The following RCAN2 variants were observed in gnomAD, a reference collection of about 807,000 sequenced individuals.
RCAN2 encodes the protein regulator of calcineurin 2, also known as calcipressin-2.
A neutral mutation model predicts 23.6 loss-of-function variants in RCAN2; 9 were observed. The ratio of observed to expected loss-of-function variants is 0.38; its 90% confidence interval spans 0.23 to 0.67. The LOEUF (loss-of-function observed/expected upper bound fraction) is 0.67. Among genes scored for constraint, RCAN2 ranks in the 30% least tolerant of loss-of-function variants. The probability of loss-of-function intolerance (pLI) is 0.51; values close to 1 mark genes in which losing one functional copy is unlikely to be tolerated. For synonymous variants in RCAN2, 109 were observed against 115.7 expected, an observed-to-expected ratio of 0.94 and a Z score of 0.37; for missense variants, 273 against 302.3, an observed-to-expected ratio of 0.90 and a Z score of 0.72.
chr6:46,279,855 A>G (rs1442227), intron 2 of RCAN2, among the ~76,000 whole-genome samples: 107,681 of 152,126 alleles, frequency 0.71, 39,931 homozygotes, highest in Non-Finnish European at 0.83. Context: ...GAGATAATGC[A>G]CAAGATGTGT....
intron 2 of RCAN2, among the ~76,000 whole-genome samples, chr6:46,370,273 C>T (rs997898961): frequency 6.6e-5 from 10 of 152,284 alleles, no homozygotes; most frequent in African/African-American, 1.9e-4. Context: ...TTAACACCCA[C>T]GTGCATCATT....
chr6:46,293,115 A>G (rs549796347), intron 2 of RCAN2, among the ~76,000 whole-genome samples: 1 of 152,284 alleles, frequency 6.6e-6, no homozygotes, highest in Non-Finnish European at 1.5e-5. Context: ...TTCTTTATCC[A>G]GTCTATCACT....
chr6:46,230,051 C>G (rs904903219), intron 4 of RCAN2, among the ~76,000 whole-genome samples: 2 of 152,116 alleles, frequency 1.3e-5, no homozygotes, highest in African/African-American at 2.4e-5. Flanking sequence ...CACTCCAGAC[C>G]CTGTTTGCCT....
intron 2 of RCAN2, among the ~76,000 whole-genome samples, chr6:46,329,176 C>T (rs1249253738): frequency 6.6e-6 from 1 of 152,224 alleles, no homozygotes; most frequent in East Asian, 1.9e-4. Flanking sequence ...TATTCCCTCT[C>T]TCTGAAAATA....
intron 2 of RCAN2, among the ~76,000 whole-genome samples, chr6:46,324,728 C>A (rs1411229462): frequency 1.3e-5 from 2 of 152,234 alleles, no homozygotes; most frequent in Non-Finnish European, 2.9e-5. Context: ...AAGTCAACAA[C>A]TGCTGCCGGC....
In RCAN2 at chr6:46,246,924, C is replaced by G; in HGVS notation, c.400-5G>C. 1 of 1,532,488 alleles carries G rather than the reference C, an allele frequency of 6.5e-7. No homozygotes were observed. The highest frequency in any genetic ancestry group is 8.8e-7 in the Non-Finnish European group (1 of 1,138,662). The allele number at this position is 1,532,488 out of a possible 1,614,324, so 94.9% of individuals were successfully genotyped here. On this transcript the variant is annotated splice_region_variant and splice_polypyrimidine_tract_variant and intron_variant, in intron 3 of 4. Coordinates refer to ENST00000371374, the MANE Select transcript of RCAN2 (RefSeq NM_001251974.2). ...ATCTGTCTCTGGAGTCTGAACCTTT[C>G]AAATAGAGTAGAGATGAAGAAACTT... is the stretch of plus-strand genomic sequence containing the variant.
chr6:46,299,840 A>G lies in RCAN2; in HGVS notation c.226-50944T>C, dbSNP rs1314560632. Among the ~76,000 whole-genome samples the G allele has an allele frequency of 3.9e-5, 6 of 152,148 alleles. No individual in the cohort carries two copies. In the East Asian group the frequency reaches 1.2e-3, roughly 29 times the overall value. On this transcript the variant is annotated intron_variant, in intron 2 of 4. Transcript: ENST00000371374. Reference sequence around the variant, plus strand: ...TATTGAACACAGTAAGTGCTCAGTAATTGTTATTATAATTGCAAATACCAT... The same window carrying G: ...TATTGAACACAGTAAGTGCTCAGTAGTTGTTATTATAATTGCAAATACCAT...
chr6:46,381,023 A>G (rs1230589717), intron 2 of RCAN2, among the ~76,000 whole-genome samples: 1 of 152,204 alleles, frequency 6.6e-6, no homozygotes, highest in Admixed American at 6.6e-5. Flanking sequence ...TTACAATGCC[A>G]TCTAATTCAG....
At chr6:46,429,606 A>G (rs894505284) in intron 2 of RCAN2, among the ~76,000 whole-genome samples, 4 of 152,198 alleles carry the variant, frequency 2.6e-5, no homozygotes, top group Non-Finnish European at 5.9e-5. Flanking sequence ...AGGAATCCCT[A>G]AAAGGTATTG....
At chr6:46,434,694 C>A (rs1257872847) in intron 2 of RCAN2, among the ~76,000 whole-genome samples, 1 of 152,174 alleles carries the variant, frequency 6.6e-6, no homozygotes, top group African/African-American at 2.4e-5. Context: ...TTGAGAAATG[C>A]CCAGGCAACT....
chr6:46,355,807 G>A (rs1764811883), intron 2 of RCAN2, among the ~76,000 whole-genome samples: 2 of 152,196 alleles, frequency 1.3e-5, no homozygotes, highest in African/African-American at 4.8e-5. Flanking sequence ...ATCTCCTGAG[G>A]TAGATCCACC....
rs573326237 is a variant in RCAN2, at chr6:46,407,213, A to C, written c.225+49539T>G. 8.5e-4 allele frequency among the ~76,000 whole-genome samples: 129 copies of C among 152,334 alleles called. 1 individual carries two copies. The highest frequency in any genetic ancestry group is 1.5e-4 in the Non-Finnish European group (10 of 68,030). ...GATAAAAATCAGCACACAGAAACAC[A>C]ACACAGGGAGAGTTCCCTTTCAGGA... is the stretch of plus-strand genomic sequence containing the variant. On this transcript the variant is annotated intron_variant, in intron 2 of 4. Transcript: ENST00000371374.
chr6:46,330,034 A>G (rs1383567775), intron 2 of RCAN2, among the ~76,000 whole-genome samples: 3 of 152,204 alleles, frequency 2.0e-5, no homozygotes, highest in Non-Finnish European at 1.5e-5. Flanking sequence ...CTCCTTCTGT[A>G]TGGCCTTCTG....
chr6:46,236,381 C>A (rs1766097704), intron 4 of RCAN2, among the ~76,000 whole-genome samples: 1 of 152,050 alleles, frequency 6.6e-6, no homozygotes, highest in South Asian at 2.1e-4. Context: ...CTTTTCTATA[C>A]CTCTATTTCC....
At chr6:46,344,608 CT>C (rs1222605759) in intron 2 of RCAN2, among the ~76,000 whole-genome samples, 1 of 151,848 alleles carries the variant, frequency 6.6e-6, no homozygotes, top group Non-Finnish European at 1.5e-5. Context: ...GACATTCTTC[CT>C]TTGTGAAGTA....
At chr6:46,433,587 T>C (rs1767278534) in intron 2 of RCAN2, among the ~76,000 whole-genome samples, 1 of 152,060 alleles carries the variant, frequency 6.6e-6, no homozygotes, top group Non-Finnish European at 1.5e-5. Flanking sequence ...ATTTACAGTG[T>C]TGGCTTTGAA....
intron 2 of RCAN2, among the ~76,000 whole-genome samples, chr6:46,426,619 G>T (rs535122113): frequency 6.6e-6 from 1 of 152,210 alleles, no homozygotes; most frequent in African/African-American, 2.4e-5. Context: ...ATCTTAGAAT[G>T]AAAAACTAAA....
At chr6:46,393,296 A>G (rs767581677) in intron 2 of RCAN2, among the ~76,000 whole-genome samples, 1 of 152,196 alleles carries the variant, frequency 6.6e-6, no homozygotes, top group Non-Finnish European at 1.5e-5. Flanking sequence ...TGGGCAAATT[A>G]TGTAACTTCC....
rs149576174 is a variant in RCAN2 at position 46,377,500 on chromosome 6, C to T, written c.225+79252G>A. Among the ~76,000 whole-genome samples the T allele has an allele frequency of 1.4e-3, 213 of 152,248 alleles. 3 individuals are homozygous for T. Among genetic ancestry groups the T allele is most frequent in the African/African-American group, 4.7e-3 (195 of 41,538 alleles). On this transcript the variant is annotated intron_variant, in intron 2 of 4. Transcript: ENST00000371374. ...AAAACTAAAGAGACTTGGTGTACAG[C>T]GTTATTTATCATTAACCAATTGAAG...
Sources: gnomAD v4.1 joint callset for allele counts (sites outside exome capture counted in the v4.1 genomes callset) on GRCh38, gnomAD v4.1.1 for gene constraint, MANE v1.5 for transcripts, NCBI Gene and HGNC (gene_info 2026-07-23, HGNC 2026-07-21) for gene names.